Variants in SLC35E3 observed in about 807,000 individuals in gnomAD.
SLC35E3 encodes bladder cancer-overexpressed gene 1 protein.
Under a neutral mutation model 30.8 loss-of-function variants are expected in SLC35E3, and 28 were observed. The observed-to-expected ratio is 0.91, with a 90% CI of 0.67 to 1.25. The LOEUF (loss-of-function observed/expected upper bound fraction) is 1.25. Among genes scored for constraint, SLC35E3 ranks in the 50% most tolerant of loss-of-function variants. The probability of loss-of-function intolerance (pLI) is 0.00; values close to 1 mark genes in which losing one functional copy is unlikely to be tolerated. For missense variants in SLC35E3, 365 were observed against 375.4 expected, an observed-to-expected ratio of 0.97 and a Z score of 0.23; for synonymous variants, 146 against 149.2, an observed-to-expected ratio of 0.98 and a Z score of 0.16.
At position 68,755,329 on chromosome 12, in the gene SLC35E3, A is replaced by G. The variant is rs185170233; in HGVS notation, c.672+3139A>G. On this transcript the variant is annotated intron_variant, in intron 3 of 4. Transcript: ENST00000398004. ...CCTGCTTCCCACAAGAGTTCCCACA[A>G]CTCTTGGAACACAGTCAGTGGGAAT... is the stretch of plus-strand genomic sequence containing the variant. 7.9e-5 allele frequency among the ~76,000 whole-genome samples: 12 copies of G among 151,976 alleles called. No individual in the cohort carries two copies. The South Asian group carries it at 1.0e-3, about 13-fold the overall frequency.
rs1364499213 is a variant in SLC35E3, at chr12:68,766,824, A to G, written c.*1934A>G. ...GATCTCAAACTCTTGAGCTCAAGCC[A>G]TCTGTCTGCCTCAGCCTCTCGAAGT... On this transcript the variant is annotated 3_prime_UTR_variant, in exon 5 of 5. Transcript: ENST00000398004. 1 of 446,816 alleles carries G rather than the reference A, an allele frequency of 2.2e-6. No homozygotes were observed. The highest frequency in any genetic ancestry group is 1.6e-5 in the South Asian group (1 of 62,610). The allele number at this position is 446,816 out of a possible 1,614,324, so 27.7% of individuals were successfully genotyped here.
rs1423160181 is a variant in SLC35E3, at chr12:68,765,731, A to ATATATATATATATATATGGATATGGT, written c.*851_*876dup. 1 of 147,214 alleles carries ATATATATATATATATATGGATATGGT rather than the reference A, an allele frequency of 6.8e-6. No individual in the cohort carries two copies. The highest frequency in any genetic ancestry group is 6.8e-5 in the Admixed American group (1 of 14,656). 9.1% of individuals were successfully genotyped at this position (147,214 alleles called of 1,614,324 possible). The stretch of plus-strand genomic sequence containing the variant: ...ATACCATCCCATATATATGTGGGAT[A>ATATATATATATATATATGGATATGGT]TATATATATATATATATGGATATGG... On this transcript the variant is annotated 3_prime_UTR_variant, in exon 5 of 5. Transcript: ENST00000398004.
At chr12:68,757,607 T>C (rs1237391534) in intron 3 of SLC35E3, among the ~76,000 whole-genome samples, 1 of 152,192 alleles carries the variant, frequency 6.6e-6, no homozygotes, top group Non-Finnish European at 1.5e-5. Flanking sequence ...TGAATACATG[T>C]AAAACAGAAC....
Position 68,764,777 on chromosome 12 carries a change from T to C in SLC35E3, c.829T>C (p.Ser277Pro). 1.2e-6 allele frequency: 2 copies of C among 1,614,180 alleles called. No homozygotes were observed. The highest frequency in any genetic ancestry group is 1.7e-6 in the Non-Finnish European group (2 of 1,180,030). The change falls in exon 5 of 5, where the codon TCC becomes CCC. Residue 277 changes from serine (S) to proline (P), a missense_variant. By Grantham distance (74) the Ser-to-Pro change is moderately conservative. Coordinates refer to ENST00000398004, the MANE Select transcript of SLC35E3 (RefSeq NM_018656.5). ...GGYVLFKDPL[S>P]INQALGILCT... ...ATATGTTTTATTTAAGGATCCACTG[T>C]CCATTAATCAGGCCCTTGGCATTTT...
chr12:68,759,257 C>T lies in SLC35E3; in HGVS notation c.755+18C>T. 1 of 1,555,120 alleles carries T rather than the reference C, an allele frequency of 6.4e-7. No individual in the cohort carries two copies. The highest frequency in any genetic ancestry group is 1.1e-5 in the South Asian group (1 of 87,260). On this transcript the variant is annotated intron_variant, in intron 4 of 4. Coordinates refer to ENST00000398004, the MANE Select transcript of SLC35E3 (RefSeq NM_018656.5). ...CCTGTCACGTATCCTTTTCATATAA[C>T]TTAGAAATGCATCGTCTTTTATATT... is the stretch of plus-strand genomic sequence containing the variant.
chr12:68,758,729 CTTTTTTTTTT>C (rs776771224), intron 3 of SLC35E3, among the ~76,000 whole-genome samples: 2 of 48,420 alleles, frequency 4.1e-5, no homozygotes, highest in East Asian at 1.6e-3. Flanking sequence ...AATTCTCTTT[CTTTTTTTTTT>C]TTTTTTTTTT....
At chr12:68,748,175 A>G in intron 2 of SLC35E3, 135 bp downstream of exon 2, 1 of 575,722 alleles carries the variant, frequency 1.7e-6, no homozygotes, top group East Asian at 2.8e-5. Context: ...AAGTTGTCTG[A>G]CTCAAGGTGA....
intron 4 of SLC35E3, among the ~76,000 whole-genome samples, chr12:68,759,626 C>T (rs1413321596): frequency 6.6e-6 from 1 of 151,670 alleles, no homozygotes; most frequent in South Asian, 2.1e-4. Context: ...ATTGCTTGAA[C>T]TGGGGAGTCG....
chr12:68,750,948 C>T (rs557063168), intron 2 of SLC35E3, among the ~76,000 whole-genome samples: 4 of 152,132 alleles, frequency 2.6e-5, no homozygotes, highest in Non-Finnish European at 5.9e-5. Context: ...GCTGTTCTTG[C>T]CAGATCTGAT....
intron 3 of SLC35E3, among the ~76,000 whole-genome samples, chr12:68,758,144 G>C (rs937052444): frequency 6.7e-6 from 1 of 149,872 alleles, no homozygotes; most frequent in Non-Finnish European, 1.5e-5. Flanking sequence ...GATCTCGGCC[G>C]GGTGCAGTGG....
chr12:68,757,561 CA>C (rs941034042), intron 3 of SLC35E3, among the ~76,000 whole-genome samples: 6 of 152,154 alleles, frequency 3.9e-5, no homozygotes, highest in African/African-American at 1.4e-4. Flanking sequence ...AATATTTTTA[CA>C]ACTACTTTGT....
intron 4 of SLC35E3, among the ~76,000 whole-genome samples, chr12:68,761,390 G>C (rs1292635969): frequency 6.6e-6 from 1 of 152,092 alleles, no homozygotes; most frequent in Non-Finnish European, 1.5e-5. Flanking sequence ...TCTACAAAAA[G>C]TTTTTTAAAA....
Position 68,772,299 on chromosome 12 carries a change from A to G in SLC35E3, c.*7409A>G, listed in dbSNP as rs1435633750. ...GTACTCCGCCCACCTCAGCCTCCCA[A>G]AGTGCTGGGATTACAGGTGTGAGCC... On this transcript the variant is annotated 3_prime_UTR_variant, in exon 5 of 5. Transcript: ENST00000398004. 6.6e-6 allele frequency: 1 copy of G among 152,016 alleles called. No individual in the cohort carries two copies. Among genetic ancestry groups the G allele is most frequent in the Non-Finnish European group, 1.5e-5 (1 of 68,018 alleles). The allele number at this position is 152,016 out of a possible 1,614,324, so 9.4% of individuals were successfully genotyped here.
rs1374192880 is a variant in SLC35E3, at chr12:68,777,380, G to A, written c.*12490G>A. ...TTGTACTCAAATAGCATTCCTCACAGGAATGTCACACCTGTGACTCTCTCA... is the reference window on the plus strand; with the variant it reads ...TTGTACTCAAATAGCATTCCTCACAAGAATGTCACACCTGTGACTCTCTCA... On this transcript the variant is annotated 3_prime_UTR_variant, in exon 5 of 5. Coordinates refer to ENST00000398004, the MANE Select transcript of SLC35E3 (RefSeq NM_018656.5). 1 of 152,078 alleles carries A rather than the reference G, an allele frequency of 6.6e-6. No homozygotes were observed. The highest frequency in any genetic ancestry group is 1.5e-5 in the Non-Finnish European group (1 of 68,024). 9.4% of individuals were successfully genotyped at this position (152,078 alleles called of 1,614,324 possible).
At chr12:68,750,341 T>A (rs1381103814) in intron 2 of SLC35E3, among the ~76,000 whole-genome samples, 1 of 152,172 alleles carries the variant, frequency 6.6e-6, no homozygotes, top group Non-Finnish European at 1.5e-5. Context: ...GGAAGAGCAG[T>A]AGATCTCAGC....
rs978965107 is a variant in SLC35E3 at position 68,778,021 on chromosome 12, G to A, written c.*13131G>A. ...TGATCCCAGCTACTCGGGAGGCTGA[G>A]GTGGGAGGATCACCCAAGCCCAGGG... On this transcript the variant is annotated 3_prime_UTR_variant, in exon 5 of 5. Transcript: ENST00000398004. 6.6e-6 allele frequency: 1 copy of A among 152,170 alleles called. No individual in the cohort carries two copies. 9.4% of individuals were successfully genotyped at this position (152,170 alleles called of 1,614,324 possible).
chr12:68,746,275 G>A lies in SLC35E3; in HGVS notation c.-103G>A, dbSNP rs1878546211. ...GTGCATGCCACTCCTGGGTCAGACG[G>A]TGAGGTCGGCGTCTGCGAGGACGCG... On this transcript the variant is annotated 5_prime_UTR_variant, in exon 1 of 5. The change creates a new upstream start codon in the 5' untranslated region. Transcript: ENST00000398004. 3 of 1,150,258 alleles carry A rather than the reference G, an allele frequency of 2.6e-6. No homozygotes were observed. Among genetic ancestry groups the A allele is most frequent in the African/African-American group, 3.1e-5 (2 of 64,346 alleles). The allele number at this position is 1,150,258 out of a possible 1,614,324, so 71.3% of individuals were successfully genotyped here.
At chr12:68,760,549 C>T (rs1220033837) in intron 4 of SLC35E3, among the ~76,000 whole-genome samples, 1 of 152,126 alleles carries the variant, frequency 6.6e-6, no homozygotes, top group Non-Finnish European at 1.5e-5. Context: ...ACTTAAGGCA[C>T]ACAGCTGACA....
Position 68,772,563 on chromosome 12 carries a change from GTT to G in SLC35E3, c.*7677_*7678del, listed in dbSNP as rs1171254552. On this transcript the variant is annotated 3_prime_UTR_variant, in exon 5 of 5. Coordinates refer to ENST00000398004, the MANE Select transcript of SLC35E3 (RefSeq NM_018656.5). ...AATTATTTATGAGTATTAGGGGAAT[GTT>G]TTTGTTATGCTGCTTTTAATTTGGA... 1 of 152,170 alleles carries G rather than the reference GTT, an allele frequency of 6.6e-6. No homozygotes were observed. Among genetic ancestry groups the G allele is most frequent in the African/African-American group, 2.4e-5 (1 of 41,436 alleles). The allele number at this position is 152,170 out of a possible 1,614,324, so 9.4% of individuals were successfully genotyped here.
Sources: allele counts gnomAD v4.1 joint callset (sites outside exome capture counted in the v4.1 genomes callset), GRCh38; gene constraint gnomAD v4.1.1; transcripts MANE v1.5; gene names NCBI Gene and HGNC (gene_info 2026-07-23, HGNC 2026-07-21).